Variants in NDUFA12 observed in about 807,000 individuals in gnomAD.
NDUFA12 encodes the protein NADH dehydrogenase [ubiquinone] 1 alpha subcomplex subunit 12.
Under a neutral mutation model 20.3 loss-of-function variants are expected in NDUFA12, and 17 were observed. The ratio of observed to expected loss-of-function variants is 0.84; its 90% CI spans 0.57 to 1.26. The LOEUF (loss-of-function observed/expected upper bound fraction) is 1.26. NDUFA12 is among the 50% of genes most tolerant of loss of function. The pLI is 0.00. For synonymous variants in NDUFA12, 72 were observed against 63.6 expected, an observed-to-expected ratio of 1.13 and a Z score of -0.63; for missense variants, 191 against 183.7, an observed-to-expected ratio of 1.04 and a Z score of -0.23.
At chr12:94,984,736 A>AAAAAAAAAAAAC (rs36013656) in intron 3 of NDUFA12, among the ~76,000 whole-genome samples, 4 of 74,158 alleles carry the variant, frequency 5.4e-5, no homozygotes, top group South Asian at 5.4e-4. Context: ...ACAACAAAAA[A>AAAAAAAAAAAAC]CCCATATATA....
intron 3 of NDUFA12, among the ~76,000 whole-genome samples, chr12:94,977,487 C>T (rs1874095679): frequency 1.3e-5 from 2 of 151,768 alleles, no homozygotes; most frequent in Non-Finnish European, 1.5e-5. Context: ...AAAAAACACC[C>T]CTCCGCCCCT....
chr12:94,981,511 A>G (rs1218335184), intron 3 of NDUFA12, among the ~76,000 whole-genome samples: 1 of 152,204 alleles, frequency 6.6e-6, no homozygotes. Flanking sequence ...ACTCAATCAA[A>G]TTAAATATAA....
At chr12:94,984,968 C>T (rs1254395104) in intron 3 of NDUFA12, among the ~76,000 whole-genome samples, 1 of 78,308 alleles carries the variant, frequency 1.3e-5, no homozygotes, top group Non-Finnish European at 2.5e-5. Flanking sequence ...CAGAGCGAGA[C>T]TCTATCTCAA....
chr12:94,971,434 T>C lies in NDUFA12; in HGVS notation c.*6A>G. The C allele has an allele frequency of 6.2e-7, 1 of 1,613,560 alleles. No homozygotes were observed. The highest frequency in any genetic ancestry group is 8.5e-7 in the Non-Finnish European group (1 of 1,179,450). On this transcript the variant is annotated 3_prime_UTR_variant, in exon 4 of 4. Transcript: ENST00000327772. The stretch of plus-strand genomic sequence containing the variant: ...TTTTGCATGTTTCAACTGTTCTTCA[T>C]TGTCTTTACTTGTAAGGTGTTGAAG...
At chr12:95,000,752 T>A (rs939805420) in intron 2 of NDUFA12, among the ~76,000 whole-genome samples, 1 of 152,246 alleles carries the variant, frequency 6.6e-6, no homozygotes, top group Non-Finnish European at 1.5e-5. Flanking sequence ...ACAAAAAGCA[T>A]GTATTTTCTC....
chr12:95,002,679 A>AC, intron 2 of NDUFA12, 60 bp downstream of exon 2: 1 of 1,230,246 alleles, frequency 8.1e-7, no homozygotes, highest in South Asian at 1.2e-5. Context: ...TATGGAAAAT[A>AC]GACTCAAATC....
At chr12:94,994,356 T>A (rs1452296103) in intron 2 of NDUFA12, 99 bp from the exon 3 acceptor site, 3 of 879,160 alleles carry the variant, frequency 3.4e-6, no homozygotes, top group Non-Finnish European at 5.4e-6. Context: ...GAAAAGACTT[T>A]TTGTGATCTT....
chr12:94,991,508 A>G (rs553638320), intron 3 of NDUFA12, among the ~76,000 whole-genome samples: 8 of 151,978 alleles, frequency 5.3e-5, no homozygotes, highest in South Asian at 2.1e-4. Context: ...TGGGTGGATC[A>G]CTCGGGGCCA....
intron 3 of NDUFA12, among the ~76,000 whole-genome samples, chr12:94,976,086 C>T (rs1874056410): frequency 6.6e-6 from 1 of 152,038 alleles, no homozygotes; most frequent in Non-Finnish European, 1.5e-5. Context: ...AAATGTTCAC[C>T]ATATATGTTT....
chr12:94,984,768 T>TA (rs1257789389), intron 3 of NDUFA12, among the ~76,000 whole-genome samples: 4 of 124,778 alleles, frequency 3.2e-5, no homozygotes, highest in Non-Finnish European at 5.0e-5. Context: ...TATATGGAAT[T>TA]AAAAAAACTC....
intron 3 of NDUFA12, among the ~76,000 whole-genome samples, chr12:94,988,503 G>C (rs895729752): frequency 2.0e-5 from 3 of 152,090 alleles, no homozygotes; most frequent in Admixed American, 1.3e-4. Flanking sequence ...AATAAATTCA[G>C]ACAAAAAGCC....
chr12:94,982,880 G>A (rs1004548290), intron 3 of NDUFA12, among the ~76,000 whole-genome samples: 1 of 152,092 alleles, frequency 6.6e-6, no homozygotes, highest in Non-Finnish European at 1.5e-5. Context: ...AACAGAGCTA[G>A]GCATTTAACT....
chr12:94,995,471 C>A (rs1271642738), intron 2 of NDUFA12, among the ~76,000 whole-genome samples: 1 of 152,168 alleles, frequency 6.6e-6, no homozygotes, highest in Non-Finnish European at 1.5e-5. Flanking sequence ...GTCTCTCTCT[C>A]TGTATTTCTT....
chr12:94,975,392 G>A (rs1174463830), intron 3 of NDUFA12, among the ~76,000 whole-genome samples: 1 of 152,082 alleles, frequency 6.6e-6, no homozygotes, highest in Non-Finnish European at 1.5e-5. Context: ...GCACATTAAG[G>A]TATAATTTTT....
At chr12:94,996,183 G>A (rs945555840) in intron 2 of NDUFA12, among the ~76,000 whole-genome samples, 1 of 151,900 alleles carries the variant, frequency 6.6e-6, no homozygotes, top group Non-Finnish European at 1.5e-5. Context: ...ATTTCAGGTG[G>A]GGCAACAGAG....
At chr12:95,000,886 C>T (rs563095089) in intron 2 of NDUFA12, among the ~76,000 whole-genome samples, 15 of 152,306 alleles carry the variant, frequency 9.8e-5, no homozygotes, top group Non-Finnish European at 2.1e-4. Context: ...TTCCAAAACA[C>T]GTATACATAT....
At chr12:94,997,184 TACAC>T (rs914669109) in intron 2 of NDUFA12, 6 of 201,542 alleles carry the variant, frequency 3.0e-5, no homozygotes, top group Admixed American at 6.4e-5. Flanking sequence ...CACTCACACA[TACAC>T]ACACACACGC....
intron 1 of NDUFA12, 89 bp downstream of exon 1, chr12:95,003,506 C>CT: frequency 7.3e-7 from 1 of 1,375,594 alleles, no homozygotes; most frequent in Admixed American, 1.7e-5. Flanking sequence ...GTGGATTCTC[C>CT]AAGGTGACCC....
intron 3 of NDUFA12, 29 bp downstream of exon 3, chr12:94,994,141 A>C (rs1874740830): frequency 6.2e-7 from 1 of 1,601,968 alleles, no homozygotes; most frequent in Non-Finnish European, 8.6e-7. Context: ...AAAAAAAAGA[A>C]AGACAAATAA....
Sources: gnomAD v4.1 joint callset for allele counts (sites outside exome capture counted in the v4.1 genomes callset) on GRCh38, gnomAD v4.1.1 for gene constraint, MANE v1.5 for transcripts, NCBI Gene and HGNC (gene_info 2026-07-23, HGNC 2026-07-21) for gene names.